The following MAGI1 variants were observed in gnomAD, a reference collection of about 807,000 sequenced individuals.
MAGI1 encodes membrane associated guanylate kinase, WW and PDZ domain containing 1.
Under a neutral mutation model 139.9 loss-of-function variants are expected in MAGI1, and 58 were observed. That is an observed-to-expected ratio of 0.41 (90% CI 0.34 to 0.52). MAGI1 has a LOEUF of 0.52. Among genes scored for constraint, MAGI1 ranks in the 20% least tolerant of loss-of-function variants. The probability of loss-of-function intolerance (pLI) is 0.12; values close to 1 mark genes in which losing one functional copy is unlikely to be tolerated. For missense variants in MAGI1, 1,874 were observed against 1,901.6 expected (o/e 0.99, Z 0.27); for synonymous variants, 812 against 737.9 (o/e 1.10, Z -1.63).
chr3:65,896,265 A>C (rs2060964396), intron 1 of MAGI1, among the ~76,000 whole-genome samples: 1 of 151,940 alleles, frequency 6.6e-6, no homozygotes, highest in African/African-American at 2.4e-5. Context: ...TATAATAAGT[A>C]TTTTTATTAT....
intron 1 of MAGI1, among the ~76,000 whole-genome samples, chr3:65,637,965 T>G (rs540061682): frequency 1.3e-5 from 2 of 152,312 alleles, no homozygotes; most frequent in African/African-American, 4.8e-5. Flanking sequence ...ATAGAGTCTC[T>G]TGGACTACAG....
At position 65,458,240 on chromosome 3, in the gene MAGI1, G is replaced by A. The variant is rs115447682; in HGVS notation, c.960-4900C>T. Among the ~76,000 whole-genome samples the A allele has an allele frequency of 4.2e-3, 643 of 151,976 alleles. 5 individuals are homozygous for A. Among genetic ancestry groups the A allele is most frequent in the African/African-American group, 0.015 (609 of 41,358 alleles). On this transcript the variant is annotated intron_variant, in intron 5 of 22. Transcript: ENST00000402939. ...GTTGTTTCCAAATCATGACTATGGC[G>A]AATAGTCCTGCAATAAACATGGGAG... is the stretch of plus-strand genomic sequence containing the variant.
chr3:65,502,035 C>G (rs1041749128), intron 2 of MAGI1, among the ~76,000 whole-genome samples: 2 of 152,154 alleles, frequency 1.3e-5, no homozygotes, highest in Admixed American at 6.6e-5. Flanking sequence ...AGGGTGGGAG[C>G]AGCACAGGTA....
At chr3:65,631,085 A>G (rs2084273907) in intron 1 of MAGI1, among the ~76,000 whole-genome samples, 1 of 152,230 alleles carries the variant, frequency 6.6e-6, no homozygotes. Context: ...AAGCCAGTAG[A>G]GCTGATGATC....
chr3:65,975,400 A>G (rs1454475481), intron 1 of MAGI1, among the ~76,000 whole-genome samples: 2 of 152,186 alleles, frequency 1.3e-5, no homozygotes, highest in African/African-American at 4.8e-5. Context: ...GACATTTTAT[A>G]TAAGGCATAA....
chr3:65,810,468 T>G (rs986409632), intron 1 of MAGI1, among the ~76,000 whole-genome samples: 1 of 152,196 alleles, frequency 6.6e-6, no homozygotes, highest in African/African-American at 2.4e-5. Context: ...CAGTGTTGAT[T>G]AGGAACACAA....
chr3:65,553,422 T>A (rs921569248), intron 2 of MAGI1, among the ~76,000 whole-genome samples: 54 of 152,108 alleles, frequency 3.6e-4, no homozygotes, highest in Admixed American at 5.9e-4. Context: ...GAAAAAAAAA[T>A]TTTTTTAATA....
chr3:65,626,482 G>A (rs961972411), intron 1 of MAGI1, among the ~76,000 whole-genome samples: 13 of 152,046 alleles, frequency 8.6e-5, no homozygotes, highest in African/African-American at 3.1e-4. Flanking sequence ...GCACCATTAT[G>A]TTCAGCTATT....
intron 1 of MAGI1, among the ~76,000 whole-genome samples, chr3:65,740,065 G>A (rs1387170537): frequency 6.6e-6 from 1 of 152,150 alleles, no homozygotes; most frequent in Non-Finnish European, 1.5e-5. Flanking sequence ...TGCCTGGAAT[G>A]GCTTTCAAGC....
intron 1 of MAGI1, among the ~76,000 whole-genome samples, chr3:65,832,943 A>C (rs2042605152): frequency 6.6e-6 from 1 of 152,208 alleles, no homozygotes; most frequent in Non-Finnish European, 1.5e-5. Flanking sequence ...TTAAATATGC[A>C]TTCTTACTAC....
intron 1 of MAGI1, among the ~76,000 whole-genome samples, chr3:65,932,285 C>G (rs2062839241): frequency 6.6e-6 from 1 of 152,248 alleles, no homozygotes; most frequent in African/African-American, 2.4e-5. Flanking sequence ...TTACTTGAAC[C>G]TGGGAGGCGG....
Position 65,639,031 on chromosome 3 carries a change from G to A in MAGI1, c.314-16943C>T, listed in dbSNP as rs562565822. Among the ~76,000 whole-genome samples, 8 of 152,350 alleles carry A rather than the reference G, an allele frequency of 5.3e-5. No individual in the cohort carries two copies. In the South Asian group the frequency reaches 1.7e-3, roughly 32 times the overall value. On this transcript the variant is annotated intron_variant, in intron 1 of 22. Coordinates refer to ENST00000402939, the MANE Select transcript of MAGI1 (RefSeq NM_001033057.2). ...CCCCAAGTGCTGGGTTTACAGGCATGAGCCACTGCATGCTGCCCATTATTT... is the reference window on the plus strand; with the variant it reads ...CCCCAAGTGCTGGGTTTACAGGCATAAGCCACTGCATGCTGCCCATTATTT...
rs374242651 is a variant in MAGI1, at chr3:65,423,382, G to GCACACACACACA, written c.2167+6137_2167+6138insTGTGTGTGTGTG. 1.1e-3 allele frequency among the ~76,000 whole-genome samples: 159 copies of GCACACACACACA among 141,224 alleles called. 2 individuals are homozygous for GCACACACACACA. The South Asian group carries it at 0.015, about 13-fold the overall frequency. The allele number at this position is 141,224 out of a possible 152,430, so 92.6% of individuals were successfully genotyped here. ...GAAAAACACACGTGCGTGCACACAC[G>GCACACACACACA]CGCACACACACACACACAGAGAAGA... On this transcript the variant is annotated intron_variant, in intron 12 of 22. Coordinates refer to ENST00000402939, the MANE Select transcript of MAGI1 (RefSeq NM_001033057.2).
intron 2 of MAGI1, among the ~76,000 whole-genome samples, chr3:65,555,183 T>G (rs1331507223): frequency 2.0e-5 from 3 of 152,180 alleles, no homozygotes; most frequent in Non-Finnish European, 2.9e-5. Flanking sequence ...CTCATTCAAT[T>G]TTTTCAACAA....
chr3:65,567,124 A>G (rs767554918), intron 2 of MAGI1, among the ~76,000 whole-genome samples: 1 of 152,202 alleles, frequency 6.6e-6, no homozygotes, highest in Non-Finnish European at 1.5e-5. Flanking sequence ...CTGAGATGTC[A>G]GAAGAGGCCC....
At chr3:65,905,490 TAA>T (rs34695349) in intron 1 of MAGI1, among the ~76,000 whole-genome samples, 2,435 of 142,114 alleles carry the variant, frequency 0.017, 61 homozygotes, top group African/African-American at 0.058. Flanking sequence ...GACCTTGCCT[TAA>T]AAAAAAAAAA....
intron 3 of MAGI1, 95 bp downstream of exon 3, chr3:65,493,417 C>G (rs1006275675): frequency 6.7e-7 from 1 of 1,493,594 alleles, no homozygotes; most frequent in Non-Finnish European, 9.2e-7. Context: ...TTGTTTAGAC[C>G]TCCAGATTCC....
intron 4 of MAGI1, among the ~76,000 whole-genome samples, chr3:65,474,420 T>C (rs1051595134): frequency 2.0e-5 from 3 of 152,168 alleles, no homozygotes; most frequent in African/African-American, 7.2e-5. Context: ...GGTTTTCCCA[T>C]TGTTCAGTGG....
intron 1 of MAGI1, among the ~76,000 whole-genome samples, chr3:65,881,108 A>T (rs982915927): frequency 3.3e-5 from 5 of 150,312 alleles, no homozygotes; most frequent in African/African-American, 1.2e-4. Context: ...CTGGTCTTGA[A>T]CTCCTGAGCT....
Sources: gnomAD v4.1 joint callset for allele counts (sites outside exome capture counted in the v4.1 genomes callset) on GRCh38, gnomAD v4.1.1 for gene constraint, MANE v1.5 for transcripts, NCBI Gene and HGNC (gene_info 2026-07-23, HGNC 2026-07-21) for gene names.